FOXP1: variants seen among roughly 807,000 people sequenced by gnomAD.
FOXP1 encodes forkhead box P1.
FOXP1 carries 15 observed loss-of-function variants against 98.2 expected under a neutral mutation model. The ratio of observed to expected loss-of-function variants is 0.15; its 90% CI spans 0.10 to 0.24. The LOEUF (loss-of-function observed/expected upper bound fraction) is 0.24. FOXP1 is among the 10% of genes least tolerant of loss of function. The probability of loss-of-function intolerance (pLI) is 1.00; values close to 1 mark genes in which losing one functional copy is unlikely to be tolerated. For missense variants in FOXP1, 633 were observed against 848.5 expected, an observed-to-expected ratio of 0.75 and a Z score of 3.15; for synonymous variants, 371 against 314.5, an observed-to-expected ratio of 1.18 and a Z score of -1.90.
intron 5 of FOXP1, among the ~76,000 whole-genome samples, chr3:71,257,064 A>G (rs1280539524): frequency 1.3e-5 from 2 of 152,212 alleles, no homozygotes; most frequent in Non-Finnish European, 2.9e-5. Context: ...TATGATGGGA[A>G]GGCCCATGCT....
intron 6 of FOXP1, among the ~76,000 whole-genome samples, chr3:71,190,518 T>G (rs1343631591): frequency 1.3e-5 from 2 of 150,802 alleles, no homozygotes; most frequent in East Asian, 3.9e-4. Context: ...CTCAGAAGCC[T>G]GATGGTGGGA....
intron 2 of FOXP1, among the ~76,000 whole-genome samples, chr3:71,523,690 T>C (rs938969670): frequency 6.6e-6 from 1 of 152,160 alleles, no homozygotes; most frequent in African/African-American, 2.4e-5. Flanking sequence ...CTTTTCCACA[T>C]ATGCATTTGT....
chr3:71,550,722 C>G (rs538691295), intron 2 of FOXP1, among the ~76,000 whole-genome samples: 2 of 152,208 alleles, frequency 1.3e-5, no homozygotes, highest in South Asian at 4.2e-4. Context: ...TGGTTCAAAC[C>G]CTTAAGATCA....
chr3:71,408,939 G>A (rs1020926173), intron 3 of FOXP1, among the ~76,000 whole-genome samples: 6 of 152,166 alleles, frequency 3.9e-5, no homozygotes, highest in Non-Finnish European at 8.8e-5. Flanking sequence ...AACCAGAAAT[G>A]CCACGTTTAG....
At chr3:71,220,282 A>G (rs538161022) in intron 5 of FOXP1, among the ~76,000 whole-genome samples, 1 of 152,216 alleles carries the variant, frequency 6.6e-6, no homozygotes, top group Non-Finnish European at 1.5e-5. Flanking sequence ...AAGACCTGGT[A>G]ACTGATTATA....
At chr3:71,055,880 T>C (rs1173004958) in intron 7 of FOXP1, among the ~76,000 whole-genome samples, 1 of 152,200 alleles carries the variant, frequency 6.6e-6, no homozygotes, top group Non-Finnish European at 1.5e-5. Context: ...TGAGCCAAAT[T>C]CTGATGGTGA....
At chr3:71,270,288 A>C (rs564637248) in intron 5 of FOXP1, among the ~76,000 whole-genome samples, 1 of 152,248 alleles carries the variant, frequency 6.6e-6, no homozygotes, top group Non-Finnish European at 1.5e-5. Context: ...TTAAAAGCTT[A>C]CTAGTGCTAT....
intron 17 of FOXP1, among the ~76,000 whole-genome samples, chr3:70,974,599 TA>T (rs1284676547): frequency 6.6e-6 from 1 of 152,170 alleles, no homozygotes; most frequent in African/African-American, 2.4e-5. Flanking sequence ...GGCTGCATTT[TA>T]AAAAAATATA....
At position 71,052,599 on chromosome 3, in the gene FOXP1, G is replaced by GT. The variant is rs2050059649; in HGVS notation, c.447dup (p.Gln150ThrfsTer20). 8 of 1,408,704 alleles carry GT rather than the reference G, an allele frequency of 5.7e-6. No homozygotes were observed. The highest frequency in any genetic ancestry group is 8.1e-6 in the Non-Finnish European group (8 of 992,218). 87.3% of individuals were successfully genotyped at this position (1,408,704 alleles called of 1,614,324 possible). On this transcript the variant is annotated frameshift_variant, in exon 9 of 21. Coordinates refer to ENST00000649528, the MANE Select transcript of FOXP1 (RefSeq NM_001349338.3). LOFTEE classifies it high-confidence loss of function. ...AGTTGAAGCTGCAACTGTTCCTGTT[G>GT]TTTTTTATAAAACTCTTGAAGCTGC...
At chr3:71,324,836 G>A (rs369095024) in intron 4 of FOXP1, among the ~76,000 whole-genome samples, 20 of 151,764 alleles carry the variant, frequency 1.3e-4, no homozygotes, top group Non-Finnish European at 2.5e-4. Context: ...TAAACCAAGC[G>A]GTTGCGAACT....
intron 4 of FOXP1, among the ~76,000 whole-genome samples, chr3:71,326,573 G>A (rs1240791350): frequency 6.6e-6 from 1 of 152,156 alleles, no homozygotes; most frequent in African/African-American, 2.4e-5. Context: ...AAAATAGAAG[G>A]AAGGAAGGGA....
At chr3:71,407,747 A>G (rs1341568261) in intron 3 of FOXP1, among the ~76,000 whole-genome samples, 3 of 151,982 alleles carry the variant, frequency 2.0e-5, no homozygotes, top group Non-Finnish European at 2.9e-5. Flanking sequence ...GATCATAAAC[A>G]GCACAAAAAT....
At chr3:71,161,822 C>T (rs1453963788) in intron 6 of FOXP1, among the ~76,000 whole-genome samples, 2 of 152,096 alleles carry the variant, frequency 1.3e-5, no homozygotes, top group African/African-American at 4.8e-5. Context: ...CACTTAACAA[C>T]ACATTCAGAT....
chr3:71,565,474 T>G (rs915486956), intron 2 of FOXP1, among the ~76,000 whole-genome samples: 2 of 152,126 alleles, frequency 1.3e-5, no homozygotes, highest in Non-Finnish European at 2.9e-5. Flanking sequence ...AGACTCTTAA[T>G]AAGAAATTCA....
chr3:71,314,530 A>ATATATATATATATATATAT (rs1553839965), intron 4 of FOXP1, among the ~76,000 whole-genome samples: 6 of 143,368 alleles, frequency 4.2e-5, no homozygotes, highest in Admixed American at 6.9e-5. Context: ...CCGTCTAAAA[A>ATATATATATATATATATAT]ATATATATAT....
chr3:71,327,221 T>C (rs1455927054), intron 4 of FOXP1, among the ~76,000 whole-genome samples: 1 of 150,928 alleles, frequency 6.6e-6, no homozygotes, highest in African/African-American at 2.4e-5. Context: ...AGGCTGACTT[T>C]GATGGATCAA....
chr3:70,961,025 TA>T (rs957705027), intron 20 of FOXP1, among the ~76,000 whole-genome samples: 4 of 151,864 alleles, frequency 2.6e-5, no homozygotes, highest in African/African-American at 9.7e-5. Flanking sequence ...TTTGTATTTT[TA>T]GTAGAGAAGA....
At chr3:71,011,126 A>T (rs1671287969) in intron 12 of FOXP1, among the ~76,000 whole-genome samples, 1 of 152,132 alleles carries the variant, frequency 6.6e-6, no homozygotes, top group African/African-American at 2.4e-5. Context: ...GTTACATATG[A>T]CCAGTCAATG....
chr3:71,417,323 G>C (rs1433804179), intron 3 of FOXP1, among the ~76,000 whole-genome samples: 2 of 152,258 alleles, frequency 1.3e-5, no homozygotes, highest in Non-Finnish European at 2.9e-5. Flanking sequence ...ATATTCCATG[G>C]TTATTGATTT....
Sources: gnomAD v4.1 joint callset for allele counts (sites outside exome capture counted in the v4.1 genomes callset) on GRCh38, gnomAD v4.1.1 for gene constraint, MANE v1.5 for transcripts, NCBI Gene and HGNC (gene_info 2026-07-23, HGNC 2026-07-21) for gene names.